The following ACSL6 variants were observed in gnomAD, a reference collection of about 807,000 sequenced individuals.
ACSL6 encodes the protein long-chain-fatty-acid--CoA ligase 6.
Under a neutral mutation model 98.2 loss-of-function variants are expected in ACSL6, and 47 were observed. That is an observed-to-expected ratio of 0.48 (90% confidence interval 0.38 to 0.61). ACSL6 has a LOEUF of 0.61. Among genes scored for constraint, ACSL6 ranks in the 20% least tolerant of loss-of-function variants. The pLI is 0.00. For missense variants in ACSL6, 761 were observed against 913.4 expected, an observed-to-expected ratio of 0.83 and a Z score of 2.15; for synonymous variants, 362 against 336.9, an observed-to-expected ratio of 1.07 and a Z score of -0.82.
chr5:131,954,467 T>C, intron 20 of ACSL6, 96 bp from the exon 21 acceptor site: 1 of 1,258,638 alleles, frequency 7.9e-7, no homozygotes, highest in Non-Finnish European at 1.1e-6. Flanking sequence ...AGAGTAGATA[T>C]ATTGACATAC....
rs1274560873 is a variant in ACSL6 at position 132,011,529 on chromosome 5, C to G, written c.25G>C (p.Gly9Arg). Reference protein sequence around the residue: MLTFFLVSGGSLWLFVEFV... With the variant: MLTFFLVSRGSLWLFVEFV... The stretch of plus-strand genomic sequence containing the variant: ...CCTACGAATAGCCAGAGGGAGCCCC[C>G]CGACACGAGGAAGAAGGTCAGCATG... The change falls in exon 1 of 21, where the codon GGG (glycine) becomes CGG (arginine). Residue 9 changes from glycine (G) to arginine (R), a missense_variant. Physicochemically the swap from Gly to Arg is moderately radical, Grantham distance 125 (BLOSUM62 -2). Transcript: ENST00000651883. This position sits in a 1 kb window ranked among gnomAD's most constrained non-coding sequence, Gnocchi z 5.4. The G allele has an allele frequency of 6.2e-7, 1 of 1,605,144 alleles. No individual in the cohort carries two copies. The highest frequency in any genetic ancestry group is 1.7e-5 in the Admixed American group (1 of 59,524).
At chr5:131,983,485 A>C (rs747336373) in intron 9 of ACSL6, 1 of 152,276 alleles carries the variant, frequency 6.6e-6, no homozygotes, top group South Asian at 2.1e-4. Flanking sequence ...TGAAAAGAAC[A>C]ATGTGGCCCT....
chr5:132,007,663 C>T (rs543090906), intron 1 of ACSL6, among the ~76,000 whole-genome samples: 1 of 152,262 alleles, frequency 6.6e-6, no homozygotes, highest in East Asian at 1.9e-4. Flanking sequence ...AGACAGGGTG[C>T]TTGACACATG....
Position 131,958,961 on chromosome 5 carries a change from G to T in ACSL6, c.2031+575C>A, listed in dbSNP as rs566384464. Among the ~76,000 whole-genome samples, 14 of 152,138 alleles carry T rather than the reference G, an allele frequency of 9.2e-5. No homozygotes were observed. The East Asian group carries it at 2.7e-3, about 29-fold the overall frequency. On this transcript the variant is annotated intron_variant, in intron 20 of 20. Transcript: ENST00000651883. Reference sequence around the variant, plus strand: ...CTTTGAATTTTTGACAAAAGGGGATGTATAAATGGTATATGTAAGTCAGAG... The same window carrying T: ...CTTTGAATTTTTGACAAAAGGGGATTTATAAATGGTATATGTAAGTCAGAG...
At chr5:131,969,545 A>T (rs1302557856) in intron 15 of ACSL6, among the ~76,000 whole-genome samples, 1 of 152,198 alleles carries the variant, frequency 6.6e-6, no homozygotes, top group African/African-American at 2.4e-5. Context: ...CACAAGATAC[A>T]ACTCCAGATG....
At chr5:131,988,775 A>G in intron 6 of ACSL6, 30 bp downstream of exon 6, 1 of 1,607,714 alleles carries the variant, frequency 6.2e-7, no homozygotes, top group Non-Finnish European at 8.5e-7. Context: ...ACCAGTTGCC[A>G]GTGGCAGGGT....
intron 1 of ACSL6, among the ~76,000 whole-genome samples, chr5:132,010,626 T>C (rs1561817592): frequency 6.6e-6 from 1 of 152,068 alleles, no homozygotes; most frequent in African/African-American, 2.4e-5. Flanking sequence ...CTAGGACAGG[T>C]TTAAGGCCAA....
chr5:131,965,894 A>G (rs1407133791), intron 17 of ACSL6, among the ~76,000 whole-genome samples: 1 of 152,184 alleles, frequency 6.6e-6, no homozygotes, highest in Admixed American at 6.5e-5. Flanking sequence ...CTCCTGTTCT[A>G]TAAGTGAGTC....
At position 131,973,349 on chromosome 5, in the gene ACSL6, G is replaced by C. The variant is rs369266573; in HGVS notation, c.1120C>G (p.Arg374Gly). Reference sequence around the variant, plus strand: ...GCCTTCATGTCATCTGAGAGAAGGCGGATATCTCCCTGGAAGAAGCCAACA... The same window carrying C: ...GCCTTCATGTCATCTGAGAGAAGGCCGATATCTCCCTGGAAGAAGCCAACA... ...GRVGFFQGDIRLLSDDMKALC... is the reference protein window; with the variant it reads ...GRVGFFQGDIGLLSDDMKALC... Residue 374 changes from arginine to glycine, a missense_variant, in exon 12 of 21, where the codon CGC becomes GGC. Transcript: ENST00000651883. 2 of 1,614,048 alleles carry C rather than the reference G, an allele frequency of 1.2e-6. No individual in the cohort carries two copies. Among genetic ancestry groups the C allele is most frequent in the African/African-American group, 2.7e-5 (2 of 74,924 alleles).
intron 14 of ACSL6, among the ~76,000 whole-genome samples, chr5:131,970,500 C>G (rs1753246640): frequency 6.6e-6 from 1 of 151,820 alleles, no homozygotes; most frequent in Non-Finnish European, 1.5e-5. Flanking sequence ...AGCTCCACCT[C>G]CTGGGTTCAC....
intron 9 of ACSL6, among the ~76,000 whole-genome samples, chr5:131,979,246 G>A (rs900093353): frequency 6.6e-6 from 1 of 152,132 alleles, no homozygotes; most frequent in Non-Finnish European, 1.5e-5. Context: ...TCTTCCCACT[G>A]ACTCTTAGGA....
intron 18 of ACSL6, 81 bp from the exon 19 acceptor site, chr5:131,960,702 A>G: frequency 9.4e-7 from 1 of 1,069,506 alleles, no homozygotes. Flanking sequence ...TAAAATTCTC[A>G]GACTCCACCT....
At chr5:131,972,573 T>G in intron 13 of ACSL6, 151 bp downstream of exon 13, 2 of 1,017,704 alleles carry the variant, frequency 2.0e-6, no homozygotes, top group South Asian at 1.8e-5. Flanking sequence ...AGTTTAAAAT[T>G]TCAATCATAG....
intron 10 of ACSL6, chr5:131,976,218 T>C: frequency 1.0e-6 from 1 of 985,448 alleles, no homozygotes; most frequent in Non-Finnish European, 1.2e-6. Context: ...GCAGTTGCCG[T>C]TGTTTCTCAG....
At chr5:131,996,894 A>G (rs1754820509) in intron 1 of ACSL6, among the ~76,000 whole-genome samples, 2 of 152,246 alleles carry the variant, frequency 1.3e-5, no homozygotes, top group South Asian at 4.1e-4. Context: ...CGAGAGAGTC[A>G]GGGCAGGCTT....
At chr5:131,988,588 T>C (rs1580675622) in intron 6 of ACSL6, 1 of 1,612,924 alleles carries the variant, frequency 6.2e-7, no homozygotes, top group Non-Finnish European at 8.5e-7. Context: ...GGCTCCTTCT[T>C]GGCAGCTGAG....
intron 1 of ACSL6, among the ~76,000 whole-genome samples, chr5:132,009,768 G>A (rs943469602): frequency 6.6e-6 from 1 of 152,152 alleles, no homozygotes; most frequent in Non-Finnish European, 1.5e-5. Flanking sequence ...TCCACTTTGA[G>A]TCAGTGCCAG....
intron 1 of ACSL6, among the ~76,000 whole-genome samples, chr5:132,009,739 C>T (rs893549436): frequency 2.0e-5 from 3 of 152,164 alleles, no homozygotes; most frequent in Non-Finnish European, 4.4e-5. Flanking sequence ...TTAGGAAATG[C>T]TCCACAAGGA....
At chr5:131,967,327 C>G (rs1009136434) in intron 16 of ACSL6, among the ~76,000 whole-genome samples, 3 of 152,058 alleles carry the variant, frequency 2.0e-5, no homozygotes, top group Non-Finnish European at 1.5e-5. Context: ...CCACTGCACT[C>G]CAGCCTGGGT....
Sources: allele counts gnomAD v4.1 joint callset (sites outside exome capture counted in the v4.1 genomes callset), GRCh38; gene constraint gnomAD v4.1.1; non-coding constraint Gnocchi (gnomAD v3.1); transcripts MANE v1.5; gene names NCBI Gene and HGNC (gene_info 2026-07-23, HGNC 2026-07-21).